The following DLG2 variants were observed in gnomAD, a reference collection of about 807,000 sequenced individuals.
DLG2 encodes discs large MAGUK scaffold protein 2, also known as disks large homolog 2.
A neutral mutation model predicts 132.5 loss-of-function variants in DLG2; 45 were observed. The ratio of observed to expected loss-of-function variants is 0.34; its 90% CI spans 0.27 to 0.44. DLG2 has a LOEUF of 0.44. Ranked by LOEUF, DLG2 falls within the 20% of genes least tolerant of loss-of-function variation. DLG2 has a pLI of 1.00. For missense variants in DLG2, 1,045 were observed against 1,196.9 expected (o/e 0.87, Z 1.87); for synonymous variants, 424 against 419.6 (o/e 1.01, Z -0.13).
intron 3 of DLG2, chr11:85,453,564 T>G (rs1230117525): frequency 1.9e-5 from 3 of 154,930 alleles, no homozygotes; most frequent in Non-Finnish European, 2.9e-5. Flanking sequence ...ATTATCATCG[T>G]TTTGCCAAGA....
intron 6 of DLG2, among the ~76,000 whole-genome samples, chr11:85,020,355 C>T (rs1232134973): frequency 5.3e-5 from 8 of 151,956 alleles, no homozygotes; most frequent in Admixed American, 2.6e-4. Context: ...TGTAGATTCT[C>T]GATATTAGCC....
chr11:84,653,681 A>T (rs1210048698), intron 6 of DLG2, among the ~76,000 whole-genome samples: 1 of 152,134 alleles, frequency 6.6e-6, no homozygotes, highest in East Asian at 1.9e-4. Flanking sequence ...TCCCTAAGTG[A>T]TAATTCCACC....
intron 8 of DLG2, among the ~76,000 whole-genome samples, chr11:84,185,440 G>A (rs939608311): frequency 6.6e-6 from 1 of 152,162 alleles, no homozygotes. Flanking sequence ...AGACTTTGCT[G>A]AAGTTGCTTA....
chr11:84,219,048 C>T (rs7946903), intron 8 of DLG2, among the ~76,000 whole-genome samples: 13,491 of 152,166 alleles, frequency 0.089, 1,914 homozygotes, highest in African/African-American at 0.3. Flanking sequence ...TCAGGGAAAA[C>T]ACATTACATA....
intron 3 of DLG2, chr11:85,453,180 G>T: frequency 3.0e-6 from 1 of 328,620 alleles, no homozygotes; most frequent in Non-Finnish European, 5.7e-6. Flanking sequence ...AGCATCATTT[G>T]GGTACACACC....
chr11:85,145,336 T>C (rs922262187), intron 5 of DLG2, among the ~76,000 whole-genome samples: 1 of 152,152 alleles, frequency 6.6e-6, no homozygotes, highest in Non-Finnish European at 1.5e-5. Context: ...CTTAATTTTC[T>C]ATGACCTTCG....
At chr11:83,834,256 T>C (rs1281970305) in intron 16 of DLG2, among the ~76,000 whole-genome samples, 2 of 152,168 alleles carry the variant, frequency 1.3e-5, no homozygotes, top group African/African-American at 4.8e-5. Flanking sequence ...TCTGAGACAT[T>C]AAGAATACTT....
chr11:83,643,093 A>G (rs947575898), intron 18 of DLG2, among the ~76,000 whole-genome samples: 46 of 152,198 alleles, frequency 3.0e-4, no homozygotes, highest in Admixed American at 1.3e-3. Flanking sequence ...AGAAACAGAT[A>G]AAAATGTTTG....
chr11:83,835,943 C>A (rs2056040050), intron 16 of DLG2, among the ~76,000 whole-genome samples: 1 of 152,142 alleles, frequency 6.6e-6, no homozygotes, highest in Admixed American at 6.5e-5. Context: ...TACACACACA[C>A]CCCTATAGTA....
At chr11:83,758,981 AT>A (rs1471498926) in intron 18 of DLG2, among the ~76,000 whole-genome samples, 1 of 152,164 alleles carries the variant, frequency 6.6e-6, no homozygotes, top group East Asian at 1.9e-4. Context: ...AGGACATGTT[AT>A]TTATTTTCAC....
rs71066054 is a variant in DLG2, at chr11:83,601,510, C to CTTTTTTTTTTTTTTT, written c.1940+31686_1940+31700dup. 8.5e-5 allele frequency among the ~76,000 whole-genome samples: 8 copies of CTTTTTTTTTTTTTTT among 94,558 alleles called. 1 individual carries two copies. The highest frequency in any genetic ancestry group is 9.4e-5 in the Non-Finnish European group (5 of 53,224). 62.0% of individuals were successfully genotyped at this position (94,558 alleles called of 152,430 possible). A position where few individuals can be genotyped will look rare whatever the true frequency, so the allele number is the denominator to read the frequency against. On this transcript the variant is annotated intron_variant, in intron 19 of 27. Transcript: ENST00000376104. Reference sequence around the variant, plus strand: ...CAGCTGCAAAGTAATATGTGATGTTCTTTTTTTTTTTTTTTTTTTTTGACA... The same window carrying CTTTTTTTTTTTTTTT: ...CAGCTGCAAAGTAATATGTGATGTTCTTTTTTTTTTTTTTTTTTTTTTTTTTTTTTTTTTTTGACA...
At chr11:84,423,220 A>C (rs2098956229) in intron 7 of DLG2, among the ~76,000 whole-genome samples, 1 of 152,248 alleles carries the variant, frequency 6.6e-6, no homozygotes, top group South Asian at 2.1e-4. Context: ...TAATGCCCAT[A>C]ATTCTTCACT....
chr11:85,093,302 A>G (rs2069129926), intron 6 of DLG2, among the ~76,000 whole-genome samples: 1 of 73,874 alleles, frequency 1.4e-5, no homozygotes, highest in Non-Finnish European at 2.3e-5. Context: ...TTGGCAAGGG[A>G]GTTTTTGTTT....
At chr11:83,710,971 A>C (rs1015492661) in intron 18 of DLG2, among the ~76,000 whole-genome samples, 13 of 152,166 alleles carry the variant, frequency 8.5e-5, no homozygotes, top group Non-Finnish European at 1.3e-4. Context: ...TTAAACTCTT[A>C]ACATGGACTG....
chr11:85,576,345 C>T (rs938576488), intron 3 of DLG2, among the ~76,000 whole-genome samples: 1 of 152,114 alleles, frequency 6.6e-6, no homozygotes, highest in South Asian at 2.1e-4. Flanking sequence ...CCTAGCAATG[C>T]AATAGCATAA....
intron 11 of DLG2, among the ~76,000 whole-genome samples, chr11:84,034,615 C>A (rs181246268): frequency 3.4e-3 from 521 of 152,166 alleles, no homozygotes; most frequent in South Asian, 8.1e-3. Flanking sequence ...AATGGATGAG[C>A]AATGTGGTTC....
intron 19 of DLG2, among the ~76,000 whole-genome samples, chr11:83,550,381 G>A (rs569324018): frequency 6.6e-6 from 1 of 152,232 alleles, no homozygotes; most frequent in East Asian, 1.9e-4. Flanking sequence ...TCACATGTCC[G>A]GGGGCTTGCA....
intron 6 of DLG2, among the ~76,000 whole-genome samples, chr11:84,882,568 A>G (rs1377056554): frequency 6.6e-6 from 1 of 152,062 alleles, no homozygotes; most frequent in East Asian, 1.9e-4. Context: ...AGTCATGGAG[A>G]TAAGAGAAAT....
chr11:84,702,602 T>A (rs1355468215), intron 6 of DLG2, among the ~76,000 whole-genome samples: 1 of 151,654 alleles, frequency 6.6e-6, no homozygotes, highest in East Asian at 1.9e-4. Flanking sequence ...TCAAAGCACT[T>A]CTCACTCTTA....
Sources: gnomAD v4.1 joint callset for allele counts (sites outside exome capture counted in the v4.1 genomes callset) on GRCh38, gnomAD v4.1.1 for gene constraint, MANE v1.5 for transcripts, NCBI Gene and HGNC (gene_info 2026-07-23, HGNC 2026-07-21) for gene names.